Variants in PRKACB observed in about 807,000 individuals in gnomAD.
PRKACB encodes cAMP-dependent protein kinase catalytic subunit beta.
PRKACB carries 16 observed loss-of-function variants against 51.4 expected under a neutral mutation model. The observed-to-expected ratio is 0.31, with a 90% CI of 0.21 to 0.47. The LOEUF is 0.47. Ranked by LOEUF, PRKACB falls within the 20% of genes least tolerant of loss-of-function variation. The pLI is 1.00. For synonymous variants in PRKACB, 147 were observed against 154.4 expected (o/e 0.95, Z 0.35); for missense variants, 309 against 464.5 (o/e 0.67, Z 3.08).
chr1:84,140,123 A>G (rs1182751260), upstream of PRKACB, among the ~76,000 whole-genome samples: 2 of 152,204 alleles, frequency 1.3e-5, no homozygotes, highest in African/African-American at 2.4e-5. Flanking sequence ...CTAGAAAGCT[A>G]TGGTAATCAA....
intron 1 of PRKACB, among the ~76,000 whole-genome samples, chr1:84,087,366 C>T (rs1456441328): frequency 1.3e-5 from 2 of 152,134 alleles, no homozygotes; most frequent in African/African-American, 2.4e-5. Flanking sequence ...TTCTTCCAAA[C>T]TTATAAAAGC....
At chr1:84,218,816 T>C (rs1055462393) in intron 9 of PRKACB, among the ~76,000 whole-genome samples, 1 of 152,226 alleles carries the variant, frequency 6.6e-6, no homozygotes, top group Non-Finnish European at 1.5e-5. Flanking sequence ...GTTTTTTGCC[T>C]TTTTGATAAT....
chr1:84,224,737 G>A (rs941539099), intron 9 of PRKACB, among the ~76,000 whole-genome samples: 2 of 152,204 alleles, frequency 1.3e-5, no homozygotes, highest in African/African-American at 4.8e-5. Context: ...AGTGCAGGCA[G>A]TCAGTGGTTT....
intron 7 of PRKACB, 123 bp downstream of exon 7, chr1:84,197,947 A>T (rs1668666395): frequency 1.5e-6 from 1 of 653,584 alleles, no homozygotes; most frequent in Non-Finnish European, 2.5e-6. Flanking sequence ...TATGAATTTA[A>T]ATCTATTTGT....
intron 5 of PRKACB, among the ~76,000 whole-genome samples, chr1:84,188,335 G>C (rs1665786056): frequency 6.6e-6 from 1 of 150,924 alleles, no homozygotes; most frequent in Non-Finnish European, 1.5e-5. Flanking sequence ...TTTTTTATTA[G>C]GGTTCTGGAA....
At chr1:84,132,281 CT>C (rs1265823581) in intron 1 of PRKACB, among the ~76,000 whole-genome samples, 1 of 114,954 alleles carries the variant, frequency 8.7e-6, no homozygotes, top group Non-Finnish European at 2.1e-5. Flanking sequence ...CAAGAATGGA[CT>C]CTTTTTCTGA....
intron 9 of PRKACB, among the ~76,000 whole-genome samples, chr1:84,234,788 G>A (rs1016121705): frequency 2.0e-5 from 3 of 152,018 alleles, no homozygotes; most frequent in African/African-American, 7.2e-5. Flanking sequence ...CACGGTGCGT[G>A]CACCCACTGA....
intron 9 of PRKACB, among the ~76,000 whole-genome samples, chr1:84,218,091 C>T (rs767636528): frequency 7.2e-5 from 11 of 152,066 alleles, no homozygotes; most frequent in Non-Finnish European, 1.5e-5. Context: ...GTGTAGTGAT[C>T]AAAGCTGGGT....
chr1:84,207,015 A>C (rs546613892), intron 8 of PRKACB, among the ~76,000 whole-genome samples: 3 of 152,152 alleles, frequency 2.0e-5, no homozygotes, highest in Non-Finnish European at 4.4e-5. Flanking sequence ...GTCATTTACT[A>C]TTTTGCTATG....
At chr1:84,234,230 G>GT (rs1476779839) in intron 9 of PRKACB, among the ~76,000 whole-genome samples, 2 of 152,236 alleles carry the variant, frequency 1.3e-5, no homozygotes, top group Non-Finnish European at 2.9e-5. Context: ...CTGCTCAGGG[G>GT]TCAGGGGTCA....
At chr1:84,115,228 C>A (rs929451835) in intron 1 of PRKACB, among the ~76,000 whole-genome samples, 2 of 150,332 alleles carry the variant, frequency 1.3e-5, no homozygotes, top group Non-Finnish European at 1.5e-5. Context: ...GATAGCCATT[C>A]TGACTGGAGT....
chr1:84,103,249 G>T (rs1035892009), intron 1 of PRKACB, among the ~76,000 whole-genome samples: 1 of 152,060 alleles, frequency 6.6e-6, no homozygotes, highest in Non-Finnish European at 1.5e-5. Flanking sequence ...ATCTGGGCTG[G>T]GTTTCTCATT....
At chr1:84,136,883 T>C (rs1652879266) in intron 1 of PRKACB, among the ~76,000 whole-genome samples, 1 of 152,142 alleles carries the variant, frequency 6.6e-6, no homozygotes, top group Admixed American at 6.5e-5. Context: ...ATCCCCATAA[T>C]CGCCATGTGT....
intron 1 of PRKACB, among the ~76,000 whole-genome samples, chr1:84,111,916 T>G (rs1158131260): frequency 6.6e-6 from 1 of 152,162 alleles, no homozygotes; most frequent in Non-Finnish European, 1.5e-5. Context: ...TAGTATTTAT[T>G]TCTAATATAA....
chr1:84,127,233 T>A (rs1189339501), intron 1 of PRKACB, among the ~76,000 whole-genome samples: 1 of 152,216 alleles, frequency 6.6e-6, no homozygotes, highest in African/African-American at 2.4e-5. Context: ...TAGAATTATC[T>A]GCTAAGTTGA....
intron 8 of PRKACB, among the ~76,000 whole-genome samples, chr1:84,211,693 AT>A (rs1307805603): frequency 6.6e-6 from 1 of 152,164 alleles, no homozygotes; most frequent in East Asian, 1.9e-4. Context: ...CACCTTTACT[AT>A]TTATTAGCTC....
chr1:84,121,640 CT>C (rs374102268), intron 1 of PRKACB, among the ~76,000 whole-genome samples: 271 of 152,198 alleles, frequency 1.8e-3, no homozygotes, highest in African/African-American at 6.3e-3. Context: ...AAATATCTTA[CT>C]TTTGCAAGTC....
chr1:84,220,142 G>A lies in PRKACB; in HGVS notation c.1071+5825G>A, dbSNP rs138545021. 8.9e-4 allele frequency among the ~76,000 whole-genome samples: 135 copies of A among 151,940 alleles called. 2 individuals carry two copies. In the East Asian group the frequency reaches 0.025, roughly 28 times the overall value. On this transcript the variant is annotated intron_variant, in intron 9 of 9. Transcript: ENST00000370685. ...TTTTAATTTCTTTCATCAGTGTTTT[G>A]TAGTTTTTCTTGTAGAGGTCTTTCA...
chr1:84,132,342 G>GA (rs1652317753), intron 1 of PRKACB, among the ~76,000 whole-genome samples: 1 of 152,074 alleles, frequency 6.6e-6, no homozygotes, highest in Non-Finnish European at 1.5e-5. Context: ...CAAACATAAG[G>GA]ATACTAGAGG....
Sources: allele counts gnomAD v4.1 joint callset (sites outside exome capture counted in the v4.1 genomes callset), GRCh38; gene constraint gnomAD v4.1.1; transcripts MANE v1.5; gene names NCBI Gene and HGNC (gene_info 2026-07-23, HGNC 2026-07-21).